Variants in MYO3A observed in about 807,000 individuals in gnomAD.
The protein encoded by MYO3A is myosin-IIIa.
Under a neutral mutation model 192.7 loss-of-function variants are expected in MYO3A, and 180 were observed. The ratio of observed to expected loss-of-function variants is 0.93; its 90% CI spans 0.83 to 1.06. MYO3A has a LOEUF of 1.06. MYO3A is among the 50% of genes least tolerant of loss of function. The pLI is 0.00. For synonymous variants in MYO3A, 628 were observed against 645.3 expected (o/e 0.97, Z 0.41); for missense variants, 1,896 against 1,905.0 (o/e 1.00, Z 0.09).
chr10:26,031,429 C>G (rs1842796394), intron 10 of MYO3A, among the ~76,000 whole-genome samples: 1 of 152,204 alleles, frequency 6.6e-6, no homozygotes, highest in Non-Finnish European at 1.5e-5. Flanking sequence ...TATGTTGCTT[C>G]CTTGAGGTTC....
chr10:26,123,497 C>G (rs915065162), intron 18 of MYO3A, among the ~76,000 whole-genome samples: 8 of 152,190 alleles, frequency 5.3e-5, no homozygotes, highest in Admixed American at 5.2e-4. Context: ...AACATTTTCT[C>G]CTATCAAATT....
chr10:26,011,975 A>C (rs1216682180), intron 6 of MYO3A, among the ~76,000 whole-genome samples: 1 of 152,258 alleles, frequency 6.6e-6, no homozygotes, highest in Non-Finnish European at 1.5e-5. Context: ...AATGAATCAC[A>C]TAAATAGAAT....
At position 26,065,604 on chromosome 10, in the gene MYO3A, A is replaced by AACAT. The variant is rs1313510248; in HGVS notation, c.954-1370_954-1369insCATA. Among the ~76,000 whole-genome samples the AACAT allele has an allele frequency of 2.8e-4, 36 of 129,954 alleles. 2 individuals carry two copies. Among genetic ancestry groups the AACAT allele is most frequent in the African/African-American group, 9.1e-4 (34 of 37,240 alleles). The allele number at this position is 129,954 out of a possible 152,430, so 85.3% of individuals were successfully genotyped here. On this transcript the variant is annotated intron_variant, in intron 10 of 34. Coordinates refer to ENST00000642920, the MANE Select transcript of MYO3A (RefSeq NM_017433.5). ...CATCTCCAAAAAAAAAAAAAAAAAA[A>AACAT]AAAAAAAAAGTATACATAATTCTTT...
chr10:26,043,057 A>T (rs1843437927), intron 10 of MYO3A, among the ~76,000 whole-genome samples: 1 of 152,096 alleles, frequency 6.6e-6, no homozygotes. Flanking sequence ...CTTCTTGCAG[A>T]CTCATAGAAG....
chr10:26,020,778 A>G (rs970582214), intron 7 of MYO3A, among the ~76,000 whole-genome samples: 1 of 152,150 alleles, frequency 6.6e-6, no homozygotes, highest in Admixed American at 6.5e-5. Context: ...CAATGCAATA[A>G]TTTCTCTATC....
intron 26 of MYO3A, among the ~76,000 whole-genome samples, chr10:26,160,545 T>C (rs1373983387): frequency 6.6e-6 from 1 of 152,164 alleles, no homozygotes; most frequent in Non-Finnish European, 1.5e-5. Context: ...CTCAGGAGTC[T>C]GTGGCAGGAG....
intron 17 of MYO3A, among the ~76,000 whole-genome samples, chr10:26,118,968 T>G (rs1838685759): frequency 1.3e-5 from 2 of 152,096 alleles, no homozygotes; most frequent in Non-Finnish European, 2.9e-5. Flanking sequence ...GCCTGGGTGG[T>G]CTTGCCTAGG....
At chr10:26,023,363 G>T (rs1842400361) in intron 8 of MYO3A, 1 of 152,368 alleles carries the variant, frequency 6.6e-6, no homozygotes, top group South Asian at 2.1e-4. Context: ...AATGTTGCTT[G>T]ATTACAGAGT....
At chr10:26,108,644 A>G (rs890667949) in intron 17 of MYO3A, among the ~76,000 whole-genome samples, 2 of 152,170 alleles carry the variant, frequency 1.3e-5, no homozygotes, top group African/African-American at 4.8e-5. Context: ...AATATTTGTA[A>G]AGATGTAAGT....
At chr10:25,936,491 C>T (rs148145188) in intron 2 of MYO3A, among the ~76,000 whole-genome samples, 9 of 151,784 alleles carry the variant, frequency 5.9e-5, no homozygotes, top group Non-Finnish European at 8.8e-5. Flanking sequence ...TAGTTTTGTC[C>T]GGGAATTGAT....
intron 6 of MYO3A, among the ~76,000 whole-genome samples, chr10:26,014,395 A>G (rs776527856): frequency 6.6e-6 from 1 of 152,122 alleles, no homozygotes; most frequent in Non-Finnish European, 1.5e-5. Context: ...ACTTTCAGAA[A>G]TGGGAGAGCA....
At chr10:26,042,072 G>A (rs575460197) in intron 10 of MYO3A, among the ~76,000 whole-genome samples, 7 of 152,046 alleles carry the variant, frequency 4.6e-5, no homozygotes, top group African/African-American at 1.4e-4. Context: ...ATGTTTAAAG[G>A]GTATTTTTGC....
Position 26,174,504 on chromosome 10 carries a change from T to G in MYO3A, c.4240T>G (p.Ser1414Ala). The G allele has an allele frequency of 6.2e-7, 1 of 1,613,974 alleles. No homozygotes were observed. Among genetic ancestry groups the G allele is most frequent in the Non-Finnish European group, 8.5e-7 (1 of 1,180,016 alleles). The change falls in exon 30 of 35, where the codon TCG becomes GCG. Residue 1414 changes from serine (S) to alanine (A), a missense_variant. By Grantham distance (99) the Ser-to-Ala change is moderately conservative. Transcript: ENST00000642920. ...NNIKKKDNKD[S>A]KATSEREACG... ...CATCAAGAAGAAGGATAACAAAGAC[T>G]CGAAAGCAACTTCAGAAAGAGAAGC...
intron 14 of MYO3A, among the ~76,000 whole-genome samples, chr10:26,075,656 T>A (rs1835497305): frequency 7.3e-6 from 1 of 136,908 alleles, no homozygotes. Flanking sequence ...TATATGTCTC[T>A]CATATATATA....
At chr10:26,061,870 G>T (rs1245857608) in intron 10 of MYO3A, among the ~76,000 whole-genome samples, 1 of 150,932 alleles carries the variant, frequency 6.6e-6, no homozygotes, top group Non-Finnish European at 1.5e-5. Flanking sequence ...GAAAATTCAG[G>T]GCCCTTCAAT....
chr10:26,031,852 A>T (rs906933875), intron 10 of MYO3A, among the ~76,000 whole-genome samples: 3 of 152,314 alleles, frequency 2.0e-5, no homozygotes, highest in East Asian at 1.9e-4. Flanking sequence ...TATCTTGAAC[A>T]TTTGCCTAAA....
chr10:26,158,807 C>T (rs1166625876), intron 26 of MYO3A, among the ~76,000 whole-genome samples: 1 of 151,978 alleles, frequency 6.6e-6, no homozygotes, highest in Non-Finnish European at 1.5e-5. Flanking sequence ...GAGGAAGTCC[C>T]ATTTATAATA....
At chr10:25,988,692 T>A (rs1839810815) in intron 4 of MYO3A, among the ~76,000 whole-genome samples, 1 of 152,146 alleles carries the variant, frequency 6.6e-6, no homozygotes, top group African/African-American at 2.4e-5. Flanking sequence ...CCTTTCAGTT[T>A]TATAAATGAA....
intron 6 of MYO3A, among the ~76,000 whole-genome samples, chr10:26,016,229 A>G (rs1841976377): frequency 6.6e-6 from 1 of 152,192 alleles, no homozygotes; most frequent in Non-Finnish European, 1.5e-5. Context: ...TCAGTCTGTA[A>G]TCTCTCTAAA....
Sources: allele counts gnomAD v4.1 joint callset (sites outside exome capture counted in the v4.1 genomes callset), GRCh38; gene constraint gnomAD v4.1.1; transcripts MANE v1.5; gene names NCBI Gene and HGNC (gene_info 2026-07-23, HGNC 2026-07-21).